The following TMEM255B variants were observed in gnomAD, a reference collection of about 807,000 sequenced individuals.
TMEM255B encodes the protein transmembrane protein 255B.
TMEM255B carries 35 observed loss-of-function variants against 34.5 expected under a neutral mutation model. The observed-to-expected ratio is 1.01, with a 90% CI of 0.77 to 1.34. TMEM255B has a LOEUF of 1.34. TMEM255B is among the 40% of genes most tolerant of loss of function. The pLI, the probability that TMEM255B is intolerant of heterozygous loss-of-function variation, is 0.00. For missense variants in TMEM255B, 432 were observed against 433.2 expected (o/e 1.00, Z 0.02); for synonymous variants, 206 against 201.2 (o/e 1.02, Z -0.20).
chr13:113,777,536 C>CT (rs2050599186), intron 3 of TMEM255B, among the ~76,000 whole-genome samples: 1 of 152,208 alleles, frequency 6.6e-6, no homozygotes, highest in Non-Finnish European at 1.5e-5. Context: ...CTGGGGGCAG[C>CT]TCCCCCAGCG....
chr13:113,763,727 C>G (rs548002919), intron 1 of TMEM255B, among the ~76,000 whole-genome samples: 7 of 152,358 alleles, frequency 4.6e-5, no homozygotes, highest in African/African-American at 7.2e-5. Flanking sequence ...AATCACTCTG[C>G]TCTTCTGAGC....
Position 113,806,509 on chromosome 13 carries a change from A to G in TMEM255B, c.813+1481A>G, listed in dbSNP as rs576390991. Among the ~76,000 whole-genome samples, 35 of 152,240 alleles carry G rather than the reference A, an allele frequency of 2.3e-4. 1 individual carries two copies. The East Asian group carries it at 5.2e-3, about 23-fold the overall frequency. On this transcript the variant is annotated intron_variant, in intron 8 of 8. Coordinates refer to ENST00000375353, the MANE Select transcript of TMEM255B (RefSeq NM_182614.4). This position sits in a 1 kb window ranked among gnomAD's most constrained non-coding sequence, Gnocchi z 4.2. ...AGCTGGGGCCCTGCTCCCTGGGAAC[A>G]CAAGGCCCCTGCTGGAGGTCTGGCC... is the stretch of plus-strand genomic sequence containing the variant.
chr13:113,776,241 G>A (rs2050575503), intron 3 of TMEM255B, among the ~76,000 whole-genome samples: 1 of 152,336 alleles, frequency 6.6e-6, no homozygotes. Flanking sequence ...AGCGACTTGG[G>A]GGCCGCCCGC....
chr13:113,778,517 G>A (rs2050616373), intron 3 of TMEM255B, among the ~76,000 whole-genome samples: 1 of 150,324 alleles, frequency 6.7e-6, no homozygotes, highest in Admixed American at 6.6e-5. Context: ...GTGGTACTGT[G>A]GCGTCTTCTC....
chr13:113,800,235 G>C (rs1333762588), intron 5 of TMEM255B, among the ~76,000 whole-genome samples: 1 of 109,906 alleles, frequency 9.1e-6, no homozygotes, highest in Non-Finnish European at 1.9e-5. Context: ...GTGTATGTGG[G>C]GGGGAGGCAT....
At chr13:113,764,993 C>T (rs2050365811) in intron 1 of TMEM255B, among the ~76,000 whole-genome samples, 1 of 152,196 alleles carries the variant, frequency 6.6e-6, no homozygotes, top group South Asian at 2.1e-4. Context: ...AAGACGGGGG[C>T]AGCCTGGCTG....
Position 113,799,641 on chromosome 13 carries a change from T to G in TMEM255B, c.423+222T>G. ...AGTCAGAGTTCTGGACTTGCTTCAT[T>G]AAATCACAACAGTCTCAGAGTGCAC... On this transcript the variant is annotated intron_variant, in intron 5 of 8. Coordinates refer to ENST00000375353, the MANE Select transcript of TMEM255B (RefSeq NM_182614.4). 4.7e-6 allele frequency: 3 copies of G among 634,980 alleles called. No homozygotes were observed. The South Asian group carries it at 5.6e-5, about 12-fold the overall frequency. 39.3% of individuals were successfully genotyped at this position (634,980 alleles called of 1,614,324 possible).
intron 3 of TMEM255B, among the ~76,000 whole-genome samples, chr13:113,787,986 C>T (rs965427529): frequency 8.2e-5 from 11 of 133,532 alleles, no homozygotes; most frequent in South Asian, 8.1e-4. Context: ...GTGGTTAAGA[C>T]GGGATGGGCA....
At position 113,766,273 on chromosome 13, in the gene TMEM255B, G is replaced by A. The variant is rs117053045; in HGVS notation, c.189+16G>A. On this transcript the variant is annotated intron_variant, in intron 2 of 8. Transcript: ENST00000375353. The stretch of plus-strand genomic sequence containing the variant: ...AGGGATCATTGTGAGTGCGCCGGGC[G>A]GGCGGCCTGGGCCGGGGAGGGCAGG... 8.8e-4 allele frequency: 1,413 copies of A among 1,613,524 alleles called. 13 individuals carry two copies. The East Asian group carries it at 0.02, about 22-fold the overall frequency.
At position 113,769,468 on chromosome 13, in the gene TMEM255B, A is replaced by G. The variant is rs1214652911; in HGVS notation, c.252+308A>G. On this transcript the variant is annotated intron_variant, in intron 3 of 8. Transcript: ENST00000375353. This position sits in a 1 kb window ranked among gnomAD's most constrained non-coding sequence, Gnocchi z 4.2. ...ATGAAGTTTGGGACGGGGGTGGCAA[A>G]TTAAATTAAGTCCTAGTGTGTAAAG... 3 of 357,222 alleles carry G rather than the reference A, an allele frequency of 8.4e-6. No homozygotes were observed. The highest frequency in any genetic ancestry group is 6.1e-5 in the African/African-American group (3 of 49,100). The allele number at this position is 357,222 out of a possible 1,614,324, so 22.1% of individuals were successfully genotyped here.
Position 113,769,272 on chromosome 13 carries a change from A to G in TMEM255B, c.252+112A>G. ...CTGCCTCCCCAGCACACTGGTGTCTACAGGACCAGCTCTGAGGTTCCCGGG... is the reference window on the plus strand; with the variant it reads ...CTGCCTCCCCAGCACACTGGTGTCTGCAGGACCAGCTCTGAGGTTCCCGGG... On this transcript the variant is annotated intron_variant, in intron 3 of 8. Coordinates refer to ENST00000375353, the MANE Select transcript of TMEM255B (RefSeq NM_182614.4). This position sits in a 1 kb window ranked among gnomAD's most constrained non-coding sequence, Gnocchi z 4.2. The G allele has an allele frequency of 4.1e-6, 5 of 1,217,444 alleles. No individual in the cohort carries two copies. Among genetic ancestry groups the G allele is most frequent in the South Asian group, 2.5e-5 (2 of 79,910 alleles). The allele number at this position is 1,217,444 out of a possible 1,614,324, so 75.4% of individuals were successfully genotyped here. A position where few individuals can be genotyped will look rare whatever the true frequency, so the allele number is the denominator to read the frequency against.
intron 1 of TMEM255B, among the ~76,000 whole-genome samples, chr13:113,760,048 T>G (rs950530429): frequency 6.6e-6 from 1 of 152,060 alleles, no homozygotes; most frequent in African/African-American, 2.4e-5. Flanking sequence ...TGGGCAGATT[T>G]CAGAACAAAA....
rs1447640302 is a variant in TMEM255B, at chr13:113,812,855, A to ATCCCGGGTGGGTCACAGG, written c.*958_*975dup. 1.1e-5 allele frequency: 1 copy of ATCCCGGGTGGGTCACAGG among 88,752 alleles called. No individual in the cohort carries two copies. The highest frequency in any genetic ancestry group is 1.2e-4 in the Admixed American group (1 of 8,178). The allele number at this position is 88,752 out of a possible 1,614,324, so 5.5% of individuals were successfully genotyped here. On this transcript the variant is annotated 3_prime_UTR_variant, in exon 9 of 9. Transcript: ENST00000375353. ...CACAGGTCCCGGGTGGGTCACAGGC[A>ATCCCGGGTGGGTCACAGG]TCCCGGGTGGGTCACAGGTCCCGAG...
At chr13:113,808,800 G>GGC (rs1204154284) in intron 8 of TMEM255B, among the ~76,000 whole-genome samples, 2 of 113,052 alleles carry the variant, frequency 1.8e-5, no homozygotes, top group East Asian at 5.2e-4. Context: ...CCTGGGGGGG[G>GGC]GGTTACTCCA....
Position 113,800,923 on chromosome 13 carries a change from C to A in TMEM255B, c.509+11C>A. ...CTATGCCTGCGGGAGGTGAGGGGCA[C>A]CGGGGACCCCCATATCTACACCTGC... On this transcript the variant is annotated intron_variant, in intron 6 of 8. Coordinates refer to ENST00000375353, the MANE Select transcript of TMEM255B (RefSeq NM_182614.4). 8.3e-7 allele frequency: 1 copy of A among 1,203,780 alleles called. No individual in the cohort carries two copies. Among genetic ancestry groups the A allele is most frequent in the Non-Finnish European group, 1.1e-6 (1 of 881,358 alleles). The allele number at this position is 1,203,780 out of a possible 1,614,324, so 74.6% of individuals were successfully genotyped here.
chr13:113,774,929 C>T (rs530565443), intron 3 of TMEM255B, among the ~76,000 whole-genome samples: 3 of 150,146 alleles, frequency 2.0e-5, no homozygotes, highest in East Asian at 2.0e-4. Context: ...ATACACTACT[C>T]ACACCACACA....
Position 113,775,143 on chromosome 13 carries a change from A to G in TMEM255B, c.252+5983A>G, listed in dbSNP as rs190419305. On this transcript the variant is annotated intron_variant, in intron 3 of 8. Coordinates refer to ENST00000375353, the MANE Select transcript of TMEM255B (RefSeq NM_182614.4). ...ACACAATACACTACACACACCACAT[A>G]TATGACACACACACTACACAATGCA... 5.8e-3 allele frequency among the ~76,000 whole-genome samples: 876 copies of G among 151,498 alleles called. 10 individuals are homozygous for G. Among genetic ancestry groups the G allele is most frequent in the African/African-American group, 0.02 (844 of 41,250 alleles).
intron 4 of TMEM255B, among the ~76,000 whole-genome samples, chr13:113,797,136 G>A (rs1405009693): frequency 6.6e-6 from 1 of 151,942 alleles, no homozygotes; most frequent in Non-Finnish European, 1.5e-5. Flanking sequence ...CCCAGGTTCC[G>A]GACCTCGGGC....
At chr13:113,804,840 C>T in intron 7 of TMEM255B, 45 bp from the exon 8 acceptor site, 1 of 1,551,390 alleles carries the variant, frequency 6.4e-7, no homozygotes, top group Non-Finnish European at 8.7e-7. Flanking sequence ...GCCCTTCCCT[C>T]CACTAGGGGG....
Sources: allele counts gnomAD v4.1 joint callset (sites outside exome capture counted in the v4.1 genomes callset), GRCh38; gene constraint gnomAD v4.1.1; non-coding constraint Gnocchi (gnomAD v3.1); transcripts MANE v1.5; gene names NCBI Gene and HGNC (gene_info 2026-07-23, HGNC 2026-07-21).